The following XIRP2 variants were observed in gnomAD, a reference collection of about 807,000 sequenced individuals.
XIRP2 encodes the protein xin actin binding repeat containing 2.
XIRP2 carries 236 observed loss-of-function variants against 277.0 expected under a neutral mutation model. The observed-to-expected ratio is 0.85, with a 90% CI of 0.77 to 0.95. The LOEUF is 0.95. XIRP2 is among the 40% of genes least tolerant of loss of function. The probability of loss-of-function intolerance (pLI) is 0.00; values close to 1 mark genes in which losing one functional copy is unlikely to be tolerated. For synonymous variants in XIRP2, 1,490 were observed against 1,416.5 expected (o/e 1.05, Z -1.17); for missense variants, 4,640 against 4,157.5 (o/e 1.12, Z -3.19).
At chr2:167,183,648 G>T in intron 3 of XIRP2, among the ~76,000 whole-genome samples, 1 of 151,330 alleles carries the variant, frequency 6.6e-6, no homozygotes, top group Middle Eastern at 3.5e-3. Context: ...CATATGTTTT[G>T]TGTGTTATTT....
intron 2 of XIRP2, among the ~76,000 whole-genome samples, chr2:166,908,974 A>G (rs1558911694): frequency 2.0e-5 from 3 of 152,200 alleles, no homozygotes; most frequent in Non-Finnish European, 4.4e-5. Context: ...CCATTGGTCT[A>G]TATCTCTGTT....
intron 2 of XIRP2, among the ~76,000 whole-genome samples, chr2:166,908,328 C>A (rs138432609): frequency 0.076 from 11,613 of 152,208 alleles, 1,018 homozygotes; most frequent in East Asian, 0.49. Context: ...GAGATGGTAT[C>A]TCATTGTGGT....
At chr2:167,010,759 G>A (rs533093141) in intron 2 of XIRP2, among the ~76,000 whole-genome samples, 1 of 152,062 alleles carries the variant, frequency 6.6e-6, no homozygotes, top group African/African-American at 2.4e-5. Flanking sequence ...GCAGTGGTTT[G>A]TAGTTCTCCT....
rs541668021 is a variant in XIRP2, at chr2:167,251,613, G to T, written c.10221G>T (p.Arg3407Ser). The T allele has an allele frequency of 6.2e-7, 1 of 1,613,514 alleles. No individual in the cohort carries two copies. Among genetic ancestry groups the T allele is most frequent in the South Asian group, 1.1e-5 (1 of 91,068 alleles). ...AAAAGATTCCTGTTAAGCAGCCCAG[G>T]ATCTGCTCTGAAACCAGGTCTCTAA... ...LREKIPVKQP[R>S]ICSETRSLSE... Residue 3407 changes from arginine to serine, a missense_variant, in exon 9 of 11, where the codon AGG (arginine) becomes AGT (serine). Coordinates refer to ENST00000409195, the MANE Select transcript of XIRP2 (RefSeq NM_152381.6).
intron 2 of XIRP2, among the ~76,000 whole-genome samples, chr2:166,939,451 C>T (rs180866470): frequency 0.011 from 1,737 of 151,924 alleles, 41 homozygotes; most frequent in African/African-American, 0.037. Context: ...GAGGCTGAGG[C>T]GGGCGGATCA....
At chr2:167,057,342 T>C (rs1363929891) in intron 2 of XIRP2, among the ~76,000 whole-genome samples, 4 of 138,676 alleles carry the variant, frequency 2.9e-5, no homozygotes, top group Non-Finnish European at 6.4e-5. Context: ...TGGGAGGAAA[T>C]CACACTAGGA....
Position 167,247,923 on chromosome 2 carries a change from C to T in XIRP2, c.6531C>T (p.Asp2177=). The T allele has an allele frequency of 3.1e-6, 5 of 1,612,686 alleles. No individual in the cohort carries two copies. The South Asian group carries it at 5.5e-5, about 18-fold the overall frequency. The change falls in exon 9 of 11, where the codon GAC becomes GAT. Residue 2177 remains aspartate (D), a synonymous_variant. Transcript: ENST00000409195. ...PVSMPVGGTY[D]LSGDFQKQTL... ...GCATGCCAGTTGGAGGAACTTACGA[C>T]CTTTCAGGGGACTTTCAGAAGCAAA...
intron 2 of XIRP2, among the ~76,000 whole-genome samples, chr2:166,985,323 C>T (rs766696827): frequency 3.2e-4 from 49 of 152,322 alleles, no homozygotes; most frequent in Middle Eastern, 3.4e-3. Flanking sequence ...TCATGTGCAT[C>T]TGCTCAAACA....
intron 2 of XIRP2, among the ~76,000 whole-genome samples, chr2:167,066,410 A>G (rs770089651): frequency 6.6e-6 from 1 of 152,052 alleles, no homozygotes; most frequent in Non-Finnish European, 1.5e-5. Flanking sequence ...AATGCACATC[A>G]AAACAACGAT....
At chr2:167,208,879 T>C (rs1323530090) in intron 3 of XIRP2, among the ~76,000 whole-genome samples, 1 of 152,218 alleles carries the variant, frequency 6.6e-6, no homozygotes, top group Non-Finnish European at 1.5e-5. Context: ...AAAATCTATA[T>C]GACATTCATT....
chr2:167,192,302 T>TC (rs1693368540), intron 3 of XIRP2, among the ~76,000 whole-genome samples: 1 of 152,086 alleles, frequency 6.6e-6, no homozygotes, highest in South Asian at 2.1e-4. Context: ...GAGTCACATT[T>TC]CCCCCCATTT....
intron 1 of XIRP2, among the ~76,000 whole-genome samples, chr2:166,896,130 A>G (rs1684235705): frequency 6.6e-6 from 1 of 152,200 alleles, no homozygotes; most frequent in Non-Finnish European, 1.5e-5. Flanking sequence ...GGCAGACTGC[A>G]TATACGGTGG....
intron 2 of XIRP2, among the ~76,000 whole-genome samples, chr2:167,135,043 GACT>G (rs1308397315): frequency 2.6e-5 from 4 of 152,136 alleles, no homozygotes; most frequent in African/African-American, 9.7e-5. Flanking sequence ...TTACAGGGAA[GACT>G]ACTGTGTGAC....
chr2:167,218,489 C>G (rs1194488573), intron 5 of XIRP2, among the ~76,000 whole-genome samples, 189 bp downstream of exon 5: 3 of 152,132 alleles, frequency 2.0e-5, no homozygotes, highest in Non-Finnish European at 4.4e-5. Context: ...TTACTTGAAG[C>G]ATTTTTGCCA....
intron 2 of XIRP2, among the ~76,000 whole-genome samples, chr2:166,977,002 G>T (rs997563934): frequency 1.3e-5 from 2 of 152,124 alleles, no homozygotes; most frequent in African/African-American, 4.8e-5. Context: ...TTGAATGATT[G>T]TATTTTTCAG....
In XIRP2 at chr2:167,247,140, G is replaced by A; in HGVS notation, c.5748G>A (p.Glu1916=). 1 of 1,613,470 alleles carries A rather than the reference G, an allele frequency of 6.2e-7. No homozygotes were observed. Among genetic ancestry groups the A allele is most frequent in the Non-Finnish European group, 8.5e-7 (1 of 1,179,744 alleles). ...CAAAGACAGAAATTCTGAAAAAGGAGCTTCTCAAAGATGACCTGGAAACAT... is the reference window on the plus strand; with the variant it reads ...CAAAGACAGAAATTCTGAAAAAGGAACTTCTCAAAGATGACCTGGAAACAT... The part of the protein sequence containing the change: ...TNTKTEILKK[E]LLKDDLETSL... Residue 1916 remains glutamate (E), a synonymous_variant, in exon 9 of 11, where the codon GAG becomes GAA. Coordinates refer to ENST00000409195, the MANE Select transcript of XIRP2 (RefSeq NM_152381.6).
chr2:166,968,226 T>C (rs1174636421), intron 2 of XIRP2, among the ~76,000 whole-genome samples: 7 of 151,954 alleles, frequency 4.6e-5, no homozygotes, highest in Admixed American at 3.3e-4. Context: ...GAGGGCATGA[T>C]AGAAGGGCCC....
intron 2 of XIRP2, among the ~76,000 whole-genome samples, chr2:166,905,601 G>A (rs1684496939): frequency 6.6e-6 from 1 of 151,818 alleles, no homozygotes; most frequent in Non-Finnish European, 1.5e-5. Flanking sequence ...AATATCCTAA[G>A]GTTCTATGTC....
At chr2:167,175,797 C>T (rs1331707293) in intron 3 of XIRP2, among the ~76,000 whole-genome samples, 1 of 152,164 alleles carries the variant, frequency 6.6e-6, no homozygotes, top group Non-Finnish European at 1.5e-5. Context: ...CTATAAGCCC[C>T]TGACTGGGGC....
Sources: gnomAD v4.1 joint callset for allele counts (sites outside exome capture counted in the v4.1 genomes callset) on GRCh38, gnomAD v4.1.1 for gene constraint, MANE v1.5 for transcripts, NCBI Gene and HGNC (gene_info 2026-07-23, HGNC 2026-07-21) for gene names.